Variants in ZNF746 observed in about 807,000 individuals in gnomAD.
ZNF746 encodes the protein zinc finger protein 746.
ZNF746 carries 13 observed loss-of-function variants against 41.0 expected under a neutral mutation model. That is an observed-to-expected ratio of 0.32 (90% CI 0.21 to 0.50). The LOEUF (loss-of-function observed/expected upper bound fraction) is 0.50, where lower values mean the gene tolerates loss of function less well. Ranked by LOEUF, ZNF746 falls within the 20% of genes least tolerant of loss-of-function variation. The pLI is 0.98. For synonymous variants in ZNF746, 424 were observed against 396.2 expected (o/e 1.07, Z -0.83); for missense variants, 811 against 922.9 (o/e 0.88, Z 1.57).
intron 3 of ZNF746, 33 bp from the exon 4 acceptor site, chr7:149,493,005 G>C: frequency 6.7e-7 from 1 of 1,483,302 alleles, no homozygotes; most frequent in East Asian, 2.3e-5. Flanking sequence ...TTTTTGCCAC[G>C]TTCCAGTCAA....
In ZNF746 at chr7:149,473,977, G is replaced by A. The variant is rs1273053569; in HGVS notation, c.*407C>T. 4 of 264,030 alleles carry A rather than the reference G, an allele frequency of 1.5e-5. No homozygotes were observed. The highest frequency in any genetic ancestry group is 2.3e-5 in the African/African-American group (1 of 42,958). The allele number at this position is 264,030 out of a possible 1,614,324, so 16.4% of individuals were successfully genotyped here. On this transcript the variant is annotated 3_prime_UTR_variant, in exon 7 of 7. Transcript: ENST00000458143. ...ATCCCCAGGAGTCAGTGGGCCAGGGGTCCCCAACTGGCCAACCTTCCAACA... is the reference window on the plus strand; with the variant it reads ...ATCCCCAGGAGTCAGTGGGCCAGGGATCCCCAACTGGCCAACCTTCCAACA...
At chr7:149,490,485 G>A (rs185884008) in intron 4 of ZNF746, 4 of 152,642 alleles carry the variant, frequency 2.6e-5, no homozygotes, top group African/African-American at 9.6e-5. Context: ...TGCTGAGGGT[G>A]TGTGTAAGGG....
intron 6 of ZNF746, 32 bp downstream of exon 6, chr7:149,476,889 TG>T (rs1242684788): frequency 8.1e-6 from 13 of 1,613,486 alleles, no homozygotes; most frequent in Non-Finnish European, 1.1e-5. Flanking sequence ...CAGGCAAGCA[TG>T]GCCCTTCCCT....
rs987402316 is a variant in ZNF746, at chr7:149,497,482, G to A, written c.24+31C>T. 5 of 1,089,690 alleles carry A rather than the reference G, an allele frequency of 4.6e-6. No homozygotes were observed. The African/African-American group carries it at 5.1e-5, about 11-fold the overall frequency. 67.5% of individuals were successfully genotyped at this position (1,089,690 alleles called of 1,614,324 possible). A position where few individuals can be genotyped will look rare whatever the true frequency, so the allele number is the denominator to read the frequency against. On this transcript the variant is annotated intron_variant, in intron 1 of 6. Coordinates refer to ENST00000458143, the MANE Select transcript of ZNF746 (RefSeq NM_001394198.1). This position sits in a 1 kb window ranked among gnomAD's most constrained non-coding sequence, Gnocchi z 4.2. ...CCGGGCCGCCTGGGGCCCCCAGGCCGCGAGTCCCTGCGCGCGCGGGTCGCC... is the reference window on the plus strand; with the variant it reads ...CCGGGCCGCCTGGGGCCCCCAGGCCACGAGTCCCTGCGCGCGCGGGTCGCC...
At chr7:149,477,141 C>A in intron 5 of ZNF746, 94 bp from the exon 6 acceptor site, 1 of 1,442,058 alleles carries the variant, frequency 6.9e-7, no homozygotes, top group Admixed American at 2.6e-5. Flanking sequence ...CTCTGAGGTC[C>A]CCCCACTGGG....
chr7:149,479,231 T>C (rs1336355256), intron 4 of ZNF746, among the ~76,000 whole-genome samples: 2 of 152,180 alleles, frequency 1.3e-5, no homozygotes, highest in East Asian at 3.8e-4. Context: ...AACATTCATG[T>C]GAAATGGAAC....
rs147537868 is a variant in ZNF746, at chr7:149,491,636, A to T, written c.565+1223T>A. Reference sequence around the variant, plus strand: ...CCCGGAACATGCTTCTGCCCTTAGGAAAGTGCAAATCTGACTGAGATGAGA... The same window carrying T: ...CCCGGAACATGCTTCTGCCCTTAGGTAAGTGCAAATCTGACTGAGATGAGA... On this transcript the variant is annotated intron_variant, in intron 4 of 6. Coordinates refer to ENST00000458143, the MANE Select transcript of ZNF746 (RefSeq NM_001394198.1). 21 of 522,314 alleles carry T rather than the reference A, an allele frequency of 4.0e-5. No homozygotes were observed. The Admixed American group carries it at 6.5e-4, about 16-fold the overall frequency. 32.4% of individuals were successfully genotyped at this position (522,314 alleles called of 1,614,324 possible).
chr7:149,487,461 T>C (rs765179988), intron 4 of ZNF746, among the ~76,000 whole-genome samples: 2 of 152,236 alleles, frequency 1.3e-5, no homozygotes, highest in African/African-American at 2.4e-5. Flanking sequence ...AGGATGCTAC[T>C]ATCACTGCTG....
intron 1 of ZNF746, among the ~76,000 whole-genome samples, chr7:149,495,153 C>T (rs1372642369): frequency 6.6e-6 from 1 of 152,092 alleles, no homozygotes; most frequent in African/African-American, 2.4e-5. Context: ...GTCACCTTCC[C>T]ATCTGCCCCT....
At position 149,494,901 on chromosome 7, in the gene ZNF746, T is replaced by G. The variant is rs2116500499; in HGVS notation, c.25-398A>C. Among the ~76,000 whole-genome samples, 1 of 151,952 alleles carries G rather than the reference T, an allele frequency of 6.6e-6. No homozygotes were observed. The highest frequency in any genetic ancestry group is 6.6e-5 in the Admixed American group (1 of 15,246). On this transcript the variant is annotated intron_variant, in intron 1 of 6. Coordinates refer to ENST00000458143, the MANE Select transcript of ZNF746 (RefSeq NM_001394198.1). The surrounding 1 kb of genome is among the most constrained non-coding windows in gnomAD (Gnocchi z 5.6). ...GACTTAGCATTGCTGGGCATTTTAGTGGAGAAATGGTAAACTGCAGATTTA... is the reference window on the plus strand; with the variant it reads ...GACTTAGCATTGCTGGGCATTTTAGGGGAGAAATGGTAAACTGCAGATTTA...
intron 4 of ZNF746, among the ~76,000 whole-genome samples, chr7:149,479,052 CA>C (rs1420912513): frequency 6.6e-6 from 1 of 152,170 alleles, no homozygotes; most frequent in African/African-American, 2.4e-5. Flanking sequence ...GAAATTCCAA[CA>C]CATGCTGGTA....
chr7:149,482,043 C>T (rs1407989813), intron 4 of ZNF746, among the ~76,000 whole-genome samples: 3 of 152,288 alleles, frequency 2.0e-5, no homozygotes, highest in East Asian at 1.9e-4. Flanking sequence ...GTTACTTCAA[C>T]GTATAATCAA....
At chr7:149,493,318 C>T (rs1267023233) in intron 3 of ZNF746, among the ~76,000 whole-genome samples, 2 of 152,212 alleles carry the variant, frequency 1.3e-5, no homozygotes, top group Non-Finnish European at 2.9e-5. Context: ...AGAGCGTGCA[C>T]GTTAAACAGC....
chr7:149,481,511 C>A (rs1383101776), intron 4 of ZNF746, among the ~76,000 whole-genome samples: 1 of 152,116 alleles, frequency 6.6e-6, no homozygotes, highest in Non-Finnish European at 1.5e-5. Flanking sequence ...TTCAAATGTG[C>A]AGTTACCTGA....
chr7:149,495,422 C>T (rs966898613), intron 1 of ZNF746, among the ~76,000 whole-genome samples: 1 of 152,176 alleles, frequency 6.6e-6, no homozygotes, highest in African/African-American at 2.4e-5. Context: ...GGGGCCTTCC[C>T]TGTCATTGGA....
chr7:149,492,877 G>C lies in ZNF746; in HGVS notation c.547C>G (p.Pro183Ala). Reference sequence around the variant, plus strand: ...CCCTTACCTGGACTGGGGTCCACAGGAACATCTGGAATCTTGGGGCCAGGG... The same window carrying C: ...CCCTTACCTGGACTGGGGTCCACAGCAACATCTGGAATCTTGGGGCCAGGG... ...RRPGPKIPDV[P>A]VDPSPGSGPP... is the part of the protein sequence containing the mutation. Residue 183 changes from proline to alanine, a missense_variant, in exon 4 of 7, where the codon CCT becomes GCT. Pro to Ala is a conservative substitution (Grantham distance 27). Around this residue, in one of 4 missense-constraint regions of ZNF746, gnomAD observed 495 missense variants for 481.6 expected, o/e 1.03. Coordinates refer to ENST00000458143, the MANE Select transcript of ZNF746 (RefSeq NM_001394198.1). The C allele has an allele frequency of 6.2e-7, 1 of 1,613,790 alleles. No individual in the cohort carries two copies. The highest frequency in any genetic ancestry group is 8.5e-7 in the Non-Finnish European group (1 of 1,179,824).
rs767051540 is a variant in ZNF746, at chr7:149,475,306, C to T, written c.1061G>A (p.Ser354Asn). Reference protein sequence around the residue: ...AWESQGSSFPSQDPVLGLREP... With the variant: ...AWESQGSSFPNQDPVLGLREP... ...TCGCAGCCCCAGCACAGGGTCCTGG[C>T]TGGGGAAGGAGCTGCCCTGGCTTTC... The change falls in exon 7 of 7, where the codon AGC becomes AAC. Residue 354 changes from serine (S) to asparagine (N), a missense_variant. Ser to Asn is a conservative substitution (Grantham distance 46, BLOSUM62 1). Around this residue, in one of 4 missense-constraint regions of ZNF746, gnomAD observed 495 missense variants for 481.6 expected, o/e 1.03. Coordinates refer to ENST00000458143, the MANE Select transcript of ZNF746 (RefSeq NM_001394198.1). The T allele has an allele frequency of 6.2e-7, 1 of 1,613,934 alleles. No individual in the cohort carries two copies. The highest frequency in any genetic ancestry group is 1.1e-5 in the South Asian group (1 of 91,066).
chr7:149,496,580 C>G (rs531242239), intron 1 of ZNF746, among the ~76,000 whole-genome samples: 36 of 152,278 alleles, frequency 2.4e-4, no homozygotes, highest in African/African-American at 8.4e-4. Context: ...CCTGCACACG[C>G]CCTGCACTGT....
intron 3 of ZNF746, 55 bp from the exon 4 acceptor site, chr7:149,493,027 G>T: frequency 8.2e-7 from 1 of 1,219,436 alleles, no homozygotes; most frequent in Non-Finnish European, 1.2e-6. Context: ...GCTGGGGACA[G>T]TCATCCCGGA....
Sources: gnomAD v4.1 joint callset for allele counts (sites outside exome capture counted in the v4.1 genomes callset) on GRCh38, gnomAD v4.1.1 for gene constraint, gnomAD v4.1.1 regional missense constraint, Gnocchi (gnomAD v3.1) non-coding constraint, MANE v1.5 for transcripts, NCBI Gene and HGNC (gene_info 2026-07-23, HGNC 2026-07-21) for gene names.